Variants in IFT52 observed in about 807,000 individuals in gnomAD.
The protein encoded by IFT52 is intraflagellar transport protein 52 homolog.
IFT52 carries 44 observed loss-of-function variants against 54.4 expected under a neutral mutation model. That is an observed-to-expected ratio of 0.81 (90% confidence interval 0.63 to 1.04). The LOEUF is 1.04. Among genes scored for constraint, IFT52 ranks in the 50% least tolerant of loss-of-function variants. The pLI is 0.00. For synonymous variants in IFT52, 181 were observed against 185.3 expected (o/e 0.98, Z 0.19); for missense variants, 452 against 523.6 (o/e 0.86, Z 1.33).
chr20:43,635,604 T>C (rs954897109), intron 10 of IFT52, among the ~76,000 whole-genome samples: 1 of 152,190 alleles, frequency 6.6e-6, no homozygotes, highest in Non-Finnish European at 1.5e-5. Context: ...GCCAATCTCA[T>C]TCTTTTTTAT....
intron 6 of IFT52, 52 bp from the exon 7 acceptor site, chr20:43,613,798 T>C: frequency 6.5e-7 from 1 of 1,543,096 alleles, no homozygotes; most frequent in Admixed American, 1.7e-5. Flanking sequence ...ATTTTCAGAA[T>C]TTTTGTATTC....
At chr20:43,604,526 A>AGATT (rs1468165446) in intron 5 of IFT52, among the ~76,000 whole-genome samples, 1 of 152,138 alleles carries the variant, frequency 6.6e-6, no homozygotes, top group African/African-American at 2.4e-5. Flanking sequence ...CATTGAGCTG[A>AGATT]GATTGCACCA....
Position 43,647,196 on chromosome 20 carries a change from TG to T in IFT52, c.*215del. On this transcript the variant is annotated 3_prime_UTR_variant, in exon 14 of 14. Transcript: ENST00000373030. ...ATTCCATTTTTAAAAATTAAATGTATGGTTGCATCTGTCTTTTTATACCCTA... is the reference window on the plus strand; with the variant it reads ...ATTCCATTTTTAAAAATTAAATGTATGTTGCATCTGTCTTTTTATACCCTA... 1.8e-6 allele frequency: 1 copy of T among 570,768 alleles called. No individual in the cohort carries two copies. The highest frequency in any genetic ancestry group is 2.9e-5 in the East Asian group (1 of 34,744). 35.4% of individuals were successfully genotyped at this position (570,768 alleles called of 1,614,324 possible). A position where few individuals can be genotyped will look rare whatever the true frequency, so the allele number is the denominator to read the frequency against.
intron 13 of IFT52, among the ~76,000 whole-genome samples, chr20:43,643,171 A>AG: frequency 6.7e-6 from 1 of 149,680 alleles, no homozygotes; most frequent in African/African-American, 2.5e-5. Flanking sequence ...TCTCAAAAAA[A>AG]AACAAAAAAA....
In IFT52 at chr20:43,596,602, T is replaced by G; in HGVS notation, c.207+80T>G. The G allele has an allele frequency of 4.4e-6, 4 of 918,576 alleles. 1 individual carries two copies. The South Asian group carries it at 5.6e-5, about 13-fold the overall frequency. The allele number at this position is 918,576 out of a possible 1,614,324, so 56.9% of individuals were successfully genotyped here. Reference sequence around the variant, plus strand: ...TTGAAATACCGGATTTGAATCCCCCTTCACCACTTACTGTGTGGCCTTAAG... The same window carrying G: ...TTGAAATACCGGATTTGAATCCCCCGTCACCACTTACTGTGTGGCCTTAAG... On this transcript the variant is annotated intron_variant, in intron 3 of 13. Transcript: ENST00000373030.
chr20:43,628,670 G>A (rs1250925527), intron 10 of IFT52, among the ~76,000 whole-genome samples: 1 of 152,168 alleles, frequency 6.6e-6, no homozygotes, highest in Non-Finnish European at 1.5e-5. Context: ...GGCCAGTATG[G>A]TGAAACCCTG....
chr20:43,614,391 C>T (rs577014541), intron 7 of IFT52, among the ~76,000 whole-genome samples: 4 of 151,926 alleles, frequency 2.6e-5, no homozygotes, highest in African/African-American at 4.8e-5. Context: ...CCTACCACCA[C>T]GCCCAGCTAA....
At chr20:43,603,238 G>A (rs535712073) in intron 3 of IFT52, among the ~76,000 whole-genome samples, 3 of 152,116 alleles carry the variant, frequency 2.0e-5, no homozygotes, top group Non-Finnish European at 2.9e-5. Context: ...CTATGGTTTG[G>A]TTGGTCAATG....
chr20:43,635,645 T>A (rs1381462742), intron 10 of IFT52, among the ~76,000 whole-genome samples: 1 of 152,212 alleles, frequency 6.6e-6, no homozygotes, highest in African/African-American at 2.4e-5. Context: ...ATGTACCACA[T>A]TTTCTTTATC....
intron 3 of IFT52, among the ~76,000 whole-genome samples, chr20:43,598,390 G>A (rs1982168692): frequency 6.6e-6 from 1 of 152,110 alleles, no homozygotes; most frequent in African/African-American, 2.4e-5. Flanking sequence ...AACAGTGTGA[G>A]TATATTTAAT....
At chr20:43,610,632 G>T (rs1983365750) in intron 6 of IFT52, among the ~76,000 whole-genome samples, 1 of 151,974 alleles carries the variant, frequency 6.6e-6, no homozygotes, top group African/African-American at 2.4e-5. Context: ...CCAACTACTC[G>T]GGAGGCTGAG....
At chr20:43,627,451 T>C (rs532007774) in intron 10 of IFT52, among the ~76,000 whole-genome samples, 1 of 152,280 alleles carries the variant, frequency 6.6e-6, no homozygotes, top group Non-Finnish European at 1.5e-5. Context: ...TTGAAATTGG[T>C]TTAAGAGAGA....
Position 43,647,284 on chromosome 20 carries a change from C to T in IFT52, c.*301C>T, listed in dbSNP as rs1206915375. On this transcript the variant is annotated 3_prime_UTR_variant, in exon 14 of 14. Coordinates refer to ENST00000373030, the MANE Select transcript of IFT52 (RefSeq NM_016004.5). ...CTGGATTTGAGTCTTTTATCAAAGA[C>T]ATAATTAACTCTCAAGCTTGTTGTA... 5.0e-6 allele frequency: 2 copies of T among 401,340 alleles called. No homozygotes were observed. The highest frequency in any genetic ancestry group is 2.0e-5 in the African/African-American group (1 of 49,008). The allele number at this position is 401,340 out of a possible 1,614,324, so 24.9% of individuals were successfully genotyped here.
chr20:43,607,817 G>A (rs1983071305), intron 6 of IFT52, among the ~76,000 whole-genome samples: 5 of 152,120 alleles, frequency 3.3e-5, no homozygotes, highest in Admixed American at 3.3e-4. Context: ...GGAGGTTGTA[G>A]CGAGCCGAGA....
intron 1 of IFT52, among the ~76,000 whole-genome samples, chr20:43,594,242 A>C (rs1271152894): frequency 6.6e-6 from 1 of 152,118 alleles, no homozygotes; most frequent in Admixed American, 6.5e-5. Flanking sequence ...CGGGAGATGG[A>C]GGTTGCAGTG....
At chr20:43,608,911 A>T (rs1488981870) in intron 6 of IFT52, among the ~76,000 whole-genome samples, 1 of 151,844 alleles carries the variant, frequency 6.6e-6, no homozygotes, top group Admixed American at 6.6e-5. Context: ...TGTCTCAAAA[A>T]ATATGTAAAT....
intron 12 of IFT52, among the ~76,000 whole-genome samples, chr20:43,638,343 G>T (rs542320886): frequency 5.3e-5 from 8 of 151,756 alleles, no homozygotes; most frequent in Non-Finnish European, 1.0e-4. Flanking sequence ...GTTGCCCACC[G>T]CCACGCATGG....
chr20:43,633,766 C>G (rs1447893226), intron 10 of IFT52, among the ~76,000 whole-genome samples: 1 of 151,854 alleles, frequency 6.6e-6, no homozygotes, highest in Non-Finnish European at 1.5e-5. Context: ...TAATACCAAT[C>G]AAAAGAAAAT....
intron 3 of IFT52, among the ~76,000 whole-genome samples, chr20:43,601,090 G>T (rs1982405776): frequency 6.6e-6 from 1 of 152,114 alleles, no homozygotes; most frequent in Admixed American, 6.6e-5. Flanking sequence ...GTTCTTTACT[G>T]TGTGGGACTG....
Sources: gnomAD v4.1 joint callset for allele counts (sites outside exome capture counted in the v4.1 genomes callset) on GRCh38, gnomAD v4.1.1 for gene constraint, MANE v1.5 for transcripts, NCBI Gene and HGNC (gene_info 2026-07-23, HGNC 2026-07-21) for gene names.